PARD3B: variants seen among roughly 807,000 people sequenced by gnomAD.
PARD3B encodes the protein partitioning defective 3 homolog B.
A neutral mutation model predicts 130.2 loss-of-function variants in PARD3B; 103 were observed. That is an observed-to-expected ratio of 0.79 (90% CI 0.67 to 0.93). PARD3B has a LOEUF of 0.93. Ranked by LOEUF, PARD3B falls within the 40% of genes least tolerant of loss-of-function variation. The pLI, the probability that PARD3B is intolerant of heterozygous loss-of-function variation, is 0.00. For missense variants in PARD3B, 1,609 were observed against 1,499.2 expected (o/e 1.07, Z -1.21); for synonymous variants, 583 against 553.2 (o/e 1.05, Z -0.76).
intron 2 of PARD3B, among the ~76,000 whole-genome samples, chr2:204,771,157 A>C (rs929879100): frequency 2.0e-5 from 3 of 152,116 alleles, no homozygotes; most frequent in Non-Finnish European, 4.4e-5. Flanking sequence ...AATGGCTATT[A>C]AAGTAATTAC....
At chr2:204,558,450 A>G (rs2031081402) in intron 1 of PARD3B, among the ~76,000 whole-genome samples, 1 of 152,202 alleles carries the variant, frequency 6.6e-6, no homozygotes, top group Admixed American at 6.5e-5. Context: ...CAATTGCTAA[A>G]AAGGGAATAT....
In PARD3B at chr2:205,199,562, G is replaced by T. The variant is rs112499879; in HGVS notation, c.2140+6242G>T. Among the ~76,000 whole-genome samples the T allele has an allele frequency of 7.7e-3, 1,177 of 152,130 alleles. 16 individuals carry two copies. Among genetic ancestry groups the T allele is most frequent in the Middle Eastern group, 0.014 (4 of 294 alleles). ...TATATGCAGGAAGAGGTAAACAGCT[G>T]CATGAGAGGAGACTTGCAAAACCTA... On this transcript the variant is annotated intron_variant, in intron 15 of 22. Transcript: ENST00000406610.
intron 16 of PARD3B, among the ~76,000 whole-genome samples, chr2:205,246,956 A>T (rs1287404888): frequency 6.6e-6 from 1 of 152,180 alleles, no homozygotes; most frequent in Non-Finnish European, 1.5e-5. Context: ...TAAATTCTCT[A>T]CTACTGGACA....
intron 18 of PARD3B, among the ~76,000 whole-genome samples, chr2:205,306,655 G>C (rs1051372015): frequency 6.6e-6 from 1 of 152,210 alleles, no homozygotes; most frequent in African/African-American, 2.4e-5. Flanking sequence ...TTAGCACCTC[G>C]GGCTTTGTTT....
chr2:205,445,569 A>G (rs1249688025), intron 20 of PARD3B, among the ~76,000 whole-genome samples: 1 of 152,126 alleles, frequency 6.6e-6, no homozygotes, highest in Non-Finnish European at 1.5e-5. Flanking sequence ...CTCACTCACC[A>G]TTACAAAAAC....
At chr2:204,864,464 G>A (rs576488429) in intron 2 of PARD3B, among the ~76,000 whole-genome samples, 12 of 152,092 alleles carry the variant, frequency 7.9e-5, no homozygotes, top group African/African-American at 2.4e-4. Flanking sequence ...ATCCTTTCTT[G>A]CTAGAACTAA....
intron 1 of PARD3B, among the ~76,000 whole-genome samples, chr2:204,619,647 CT>C (rs1296037426): frequency 6.6e-6 from 1 of 152,124 alleles, no homozygotes; most frequent in Non-Finnish European, 1.5e-5. Flanking sequence ...CAGAATATGA[CT>C]TCTGGGTGTC....
chr2:205,304,853 G>A (rs1353952580), intron 18 of PARD3B, among the ~76,000 whole-genome samples: 2 of 152,184 alleles, frequency 1.3e-5, no homozygotes, highest in African/African-American at 2.4e-5. Context: ...GCTGAAGTGG[G>A]AGGATTGACT....
chr2:204,750,304 C>T (rs1044467817), intron 2 of PARD3B, among the ~76,000 whole-genome samples: 2 of 152,072 alleles, frequency 1.3e-5, no homozygotes, highest in Non-Finnish European at 1.5e-5. Flanking sequence ...TAGTGTTGGC[C>T]TGGTGCTGTG....
At chr2:204,569,957 G>A (rs1245715833) in intron 1 of PARD3B, among the ~76,000 whole-genome samples, 1 of 152,200 alleles carries the variant, frequency 6.6e-6, no homozygotes, top group East Asian at 1.9e-4. Flanking sequence ...CCTGTCTCCT[G>A]TTTGGGCCTG....
intron 2 of PARD3B, among the ~76,000 whole-genome samples, chr2:204,957,757 A>T (rs1690388673): frequency 6.6e-6 from 1 of 152,148 alleles, no homozygotes; most frequent in Non-Finnish European, 1.5e-5. Flanking sequence ...ATACATTTAA[A>T]TGAAATTCTG....
Position 204,689,821 on chromosome 2 carries a change from ATTTCT to A in PARD3B, c.222+3546_222+3550del, listed in dbSNP as rs1366804059. Among the ~76,000 whole-genome samples the A allele has an allele frequency of 6.6e-6, 1 of 152,086 alleles. No individual in the cohort carries two copies. The highest frequency in any genetic ancestry group is 2.4e-5 in the African/African-American group (1 of 41,434). On this transcript the variant is annotated intron_variant, in intron 2 of 22. Coordinates refer to ENST00000406610, the MANE Select transcript of PARD3B (RefSeq NM_001302769.2). This position sits in a 1 kb window ranked among gnomAD's most constrained non-coding sequence, Gnocchi z 5.2. Reference sequence around the variant, plus strand: ...CTAGAATTTAAATTTCTGTAATCTTATTTCTTTTCTTCTCTGATGTGTCAAGCAGT... The same window carrying A: ...CTAGAATTTAAATTTCTGTAATCTTATTTCTTCTCTGATGTGTCAAGCAGT...
At chr2:204,853,927 A>T (rs1373282511) in intron 2 of PARD3B, among the ~76,000 whole-genome samples, 3 of 152,208 alleles carry the variant, frequency 2.0e-5, no homozygotes, top group Non-Finnish European at 4.4e-5. Context: ...GAGGAGTTTT[A>T]TATAAATAGA....
intron 2 of PARD3B, among the ~76,000 whole-genome samples, chr2:204,944,764 G>A (rs1288159112): frequency 6.6e-6 from 1 of 152,100 alleles, no homozygotes; most frequent in African/African-American, 2.4e-5. Flanking sequence ...TGTTCTAATT[G>A]TACCTGACCT....
At chr2:204,864,131 T>C (rs1242905966) in intron 2 of PARD3B, among the ~76,000 whole-genome samples, 2 of 152,182 alleles carry the variant, frequency 1.3e-5, no homozygotes, top group Non-Finnish European at 2.9e-5. Context: ...TTTCTGTGTC[T>C]TAAAGTCACC....
intron 3 of PARD3B, among the ~76,000 whole-genome samples, chr2:204,982,386 C>T (rs1027117303): frequency 2.6e-5 from 4 of 152,200 alleles, no homozygotes; most frequent in African/African-American, 9.6e-5. Context: ...TTCTGTGGAT[C>T]AGGCATGGGT....
intron 18 of PARD3B, among the ~76,000 whole-genome samples, chr2:205,322,389 C>G (rs1176414499): frequency 6.6e-6 from 1 of 152,118 alleles, no homozygotes; most frequent in Non-Finnish European, 1.5e-5. Context: ...AGATGAAGCA[C>G]AGTAATACAG....
chr2:205,344,117 G>T lies in PARD3B; in HGVS notation c.2630+42416G>T, dbSNP rs565580624. ...TGTTTGATCTTTTAATGGTGTTGCT[G>T]CTGGGCCTGGTATATATTTTATCAT... On this transcript the variant is annotated intron_variant, in intron 18 of 22. Transcript: ENST00000406610. 3.3e-5 allele frequency among the ~76,000 whole-genome samples: 5 copies of T among 151,948 alleles called. No individual in the cohort carries two copies. In the East Asian group the frequency reaches 9.7e-4, roughly 29 times the overall value.
intron 15 of PARD3B, among the ~76,000 whole-genome samples, chr2:205,217,977 C>T (rs1269677169): frequency 1.3e-5 from 2 of 148,582 alleles, no homozygotes; most frequent in Admixed American, 6.7e-5. Context: ...ACTGCAACCT[C>T]CACCTCCTGG....
Sources: gnomAD v4.1 joint callset for allele counts (sites outside exome capture counted in the v4.1 genomes callset) on GRCh38, gnomAD v4.1.1 for gene constraint, Gnocchi (gnomAD v3.1) non-coding constraint, MANE v1.5 for transcripts, NCBI Gene and HGNC (gene_info 2026-07-23, HGNC 2026-07-21) for gene names.